Variants in PHF6 observed in about 807,000 individuals in gnomAD.
The protein encoded by PHF6 is PHD finger protein 6.
In PHF6, 7 loss-of-function variants were observed where a neutral mutation model predicts 34.0. The observed-to-expected ratio is 0.21, with a 90% CI of 0.12 to 0.39. PHF6 has a LOEUF of 0.39. PHF6 is among the 10% of genes least tolerant of loss of function. PHF6 has a pLI of 1.00. For missense variants in PHF6, 128 were observed against 262.8 expected (o/e 0.49, Z 3.55); for synonymous variants, 89 against 88.4 (o/e 1.01, Z -0.04).
intron 5 of PHF6, among the ~76,000 whole-genome samples, chrX:134,399,395 A>C (rs2124227684): frequency 9.0e-6 from 1 of 111,223 alleles, no homozygotes; most frequent in South Asian, 3.8e-4. Context: ...TGTGGACTTC[A>C]GGTGATAATA....
intron 3 of PHF6, among the ~76,000 whole-genome samples, chrX:134,378,685 T>C (rs2077290016): frequency 8.9e-6 from 1 of 112,937 alleles, no homozygotes. Context: ...TAGTAAGATA[T>C]TACATTGCTC....
At chrX:134,374,519 TTTG>T (rs766245404) in intron 1 of PHF6, among the ~76,000 whole-genome samples, 2 of 112,492 alleles carry the variant, frequency 1.8e-5, no homozygotes, top group Non-Finnish European at 3.8e-5. Context: ...GGGAATCACG[TTTG>T]TTATCTGTTT....
chrX:134,381,725 A>T (rs1255277655), intron 3 of PHF6, among the ~76,000 whole-genome samples: 1 of 110,537 alleles, frequency 9.0e-6, no homozygotes, highest in African/African-American at 3.3e-5. Flanking sequence ...TCCTGACCTC[A>T]GGTGATCTAC....
intron 7 of PHF6, among the ~76,000 whole-genome samples, chrX:134,414,659 G>A (rs776979142): frequency 4.6e-5 from 5 of 109,560 alleles, no homozygotes; most frequent in African/African-American, 9.9e-5. Flanking sequence ...AAAAAAATAC[G>A]CGAGTGATTC....
intron 7 of PHF6, 124 bp downstream of exon 7, chrX:134,414,090 TC>T (rs1602715841): frequency 1.5e-6 from 1 of 665,311 alleles, no homozygotes; most frequent in Admixed American, 2.5e-5. Context: ...CCAAAAAATT[TC>T]CCCCCACCAG....
At chrX:134,385,738 AT>A (rs948957062) in intron 3 of PHF6, among the ~76,000 whole-genome samples, 10 of 111,063 alleles carry the variant, frequency 9.0e-5, no homozygotes, top group Non-Finnish European at 1.5e-4. Flanking sequence ...GACGTTGGTT[AT>A]TTTTTTTCCA....
chrX:134,400,364 C>T (rs1416167166), intron 5 of PHF6, among the ~76,000 whole-genome samples: 3 of 103,912 alleles, frequency 2.9e-5, no homozygotes, highest in Non-Finnish European at 5.9e-5. Context: ...GGATTACAAG[C>T]GTTGAGCCAC....
chrX:134,406,062 T>C (rs188562839), intron 5 of PHF6, among the ~76,000 whole-genome samples: 21 of 78,060 alleles, frequency 2.7e-4, no homozygotes, highest in African/African-American at 3.9e-4. Context: ...TCCTTTTTCT[T>C]TTTCTTTCTT....
intron 9 of PHF6, among the ~76,000 whole-genome samples, chrX:134,422,643 G>T (rs1236821631): frequency 8.9e-6 from 1 of 111,820 alleles, no homozygotes; most frequent in Non-Finnish European, 1.9e-5. Context: ...ACTAGGGAGG[G>T]ATAGATAATA....
At chrX:134,402,521 C>T (rs573936151) in intron 5 of PHF6, among the ~76,000 whole-genome samples, 1 of 111,708 alleles carries the variant, frequency 9.0e-6, no homozygotes, top group South Asian at 3.8e-4. Context: ...TGATCGCTCT[C>T]AGAGGAGAGC....
Position 134,377,664 on chromosome X carries a change from A to G in PHF6, c.47A>G (p.Lys16Arg), listed in dbSNP as rs376022686. 1 of 1,210,950 alleles carries G rather than the reference A, an allele frequency of 8.3e-7. No homozygotes were observed. Among genetic ancestry groups the G allele is most frequent in the Non-Finnish European group, 1.1e-6 (1 of 894,880 alleles). Reference sequence around the variant, plus strand: ...AAAAAAGGGCCTACAAGACAGCGCAAATGTGGCTTTTGTAAGTCAAATAGA... The same window carrying G: ...AAAAAAGGGCCTACAAGACAGCGCAGATGTGGCTTTTGTAAGTCAAATAGA... ...EQKKGPTRQR[K>R]CGFCKSNRDK... The change falls in exon 2 of 11, where the codon AAA (lysine) becomes AGA (arginine). Residue 16 changes from lysine to arginine, a missense_variant. By Grantham distance (26) the Lys-to-Arg change is conservative. Coordinates refer to ENST00000370803, the MANE Select transcript of PHF6 (RefSeq NM_001015877.2).
Position 134,393,940 on chromosome X carries a change from C to T in PHF6, c.406C>T (p.His136Tyr), listed in dbSNP as rs1168361801. 2 of 1,210,632 alleles carry T rather than the reference C, an allele frequency of 1.7e-6. No homozygotes were observed. Among genetic ancestry groups the T allele is most frequent in the South Asian group, 1.8e-5 (1 of 56,921 alleles). The change falls in exon 5 of 11, where the codon CAT becomes TAT. Residue 136 changes from histidine (H) to tyrosine (Y), a missense_variant. Physicochemically the swap from His to Tyr is moderately conservative, Grantham distance 83. Coordinates refer to ENST00000370803, the MANE Select transcript of PHF6 (RefSeq NM_001015877.2). Reference protein sequence around the residue: ...VYCRKHKKTAHNSEADLEESF... With the variant: ...VYCRKHKKTAYNSEADLEESF... ...TTGCCGAAAACACAAGAAAACTGCACATAACTCCGAAGGTACATCATTTAG... is the reference window on the plus strand; with the variant it reads ...TTGCCGAAAACACAAGAAAACTGCATATAACTCCGAAGGTACATCATTTAG...
At chrX:134,402,919 G>GT (rs766692532) in intron 5 of PHF6, among the ~76,000 whole-genome samples, 31 of 111,930 alleles carry the variant, frequency 2.8e-4, no homozygotes, top group Non-Finnish European at 4.7e-4. Context: ...CCGTGCCCAT[G>GT]TAAGACAGTG....
intron 3 of PHF6, among the ~76,000 whole-genome samples, chrX:134,389,103 C>A (rs1166042612): frequency 9.0e-6 from 1 of 111,478 alleles, no homozygotes; most frequent in Non-Finnish European, 1.9e-5. Context: ...ACTAGGTCGA[C>A]TAGGTAGCAA....
At chrX:134,417,867 CAAAA>C (rs1322013526) in intron 9 of PHF6, 1 of 104,986 alleles carries the variant, frequency 9.5e-6, no homozygotes, top group African/African-American at 3.5e-5. Flanking sequence ...CTCAAACAAA[CAAAA>C]AAAAAACACT....
At chrX:134,412,924 T>G (rs1029453821) in intron 5 of PHF6, among the ~76,000 whole-genome samples, 1 of 111,982 alleles carries the variant, frequency 8.9e-6, no homozygotes, top group African/African-American at 3.2e-5. Context: ...GTTTTCATGA[T>G]CGTTTGAAGA....
At chrX:134,375,677 C>T (rs1189024935) in intron 1 of PHF6, among the ~76,000 whole-genome samples, 2 of 111,556 alleles carry the variant, frequency 1.8e-5, no homozygotes, top group Admixed American at 9.5e-5. Flanking sequence ...TTTCAGAGTG[C>T]GTACTATTCA....
chrX:134,390,599 A>G (rs1320911065), intron 3 of PHF6, among the ~76,000 whole-genome samples: 3 of 112,127 alleles, frequency 2.7e-5, no homozygotes, highest in Admixed American at 9.5e-5. Context: ...AGACTGAGAG[A>G]CGGGTATTGA....
Position 134,414,238 on chromosome X carries a change from G to A in PHF6, c.729+272G>A, listed in dbSNP as rs186848967. On this transcript the variant is annotated intron_variant, in intron 7 of 10. Coordinates refer to ENST00000370803, the MANE Select transcript of PHF6 (RefSeq NM_001015877.2). ...ATAGTTACTGTAGTTAGGATAATCT[G>A]TAATTAATTATTTCATAACTATAAA... Among the ~76,000 whole-genome samples the A allele has an allele frequency of 6.1e-3, 682 of 111,243 alleles. 2 individuals carry two copies. The highest frequency in any genetic ancestry group is 0.011 in the Non-Finnish European group (563 of 52,939).
Sources: allele counts gnomAD v4.1 joint callset (sites outside exome capture counted in the v4.1 genomes callset), GRCh38; gene constraint gnomAD v4.1.1; transcripts MANE v1.5; gene names NCBI Gene and HGNC (gene_info 2026-07-23, HGNC 2026-07-21).